Variants in CFAP221 observed in about 807,000 individuals in gnomAD.
The protein encoded by CFAP221 is cilia and flagella associated protein 221, also known as cilia- and flagella-associated protein 221.
In CFAP221, 97 loss-of-function variants were observed where a neutral mutation model predicts 113.1. That is an observed-to-expected ratio of 0.86 (90% CI 0.73 to 1.02). The LOEUF (loss-of-function observed/expected upper bound fraction) is 1.02, where lower values mean the gene tolerates loss of function less well. Among genes scored for constraint, CFAP221 ranks in the 50% least tolerant of loss-of-function variants. CFAP221 has a pLI of 0.00. For synonymous variants in CFAP221, 331 were observed against 354.4 expected, an observed-to-expected ratio of 0.93 and a Z score of 0.74; for missense variants, 1,025 against 1,013.4, an observed-to-expected ratio of 1.01 and a Z score of -0.16.
intron 2 of CFAP221, among the ~76,000 whole-genome samples, 164 bp downstream of exon 2, chr2:119,546,434 CT>C (rs1261897319): frequency 6.6e-6 from 1 of 152,196 alleles, no homozygotes; most frequent in Non-Finnish European, 1.5e-5. Context: ...GATCCATCTG[CT>C]TAACTGATAG....
At chr2:119,561,403 A>G (rs1369366771) in intron 5 of CFAP221, among the ~76,000 whole-genome samples, 2 of 152,226 alleles carry the variant, frequency 1.3e-5, no homozygotes, top group Non-Finnish European at 2.9e-5. Context: ...GCCAGGACAC[A>G]TTTCCTGTTA....
chr2:119,566,492 C>T (rs189374080), intron 6 of CFAP221, among the ~76,000 whole-genome samples: 43 of 152,324 alleles, frequency 2.8e-4, no homozygotes, highest in Non-Finnish European at 5.6e-4. Context: ...TGAGAGCCAT[C>T]GAGCTATCCT....
chr2:119,657,314 A>G (rs902816068), downstream of CFAP221, among the ~76,000 whole-genome samples: 5 of 152,068 alleles, frequency 3.3e-5, no homozygotes, highest in Admixed American at 1.3e-4. Flanking sequence ...GCTCTTACTC[A>G]CTATGTGGCC....
intron 6 of CFAP221, among the ~76,000 whole-genome samples, chr2:119,576,897 A>G (rs970679063): frequency 6.6e-6 from 1 of 152,220 alleles, no homozygotes; most frequent in Admixed American, 6.5e-5. Flanking sequence ...TGTTGATCAC[A>G]TTCTGAATAT....
chr2:119,646,925 C>CT (rs1687846552), intron 21 of CFAP221, 33 bp from the exon 22 acceptor site: 1 of 1,563,530 alleles, frequency 6.4e-7, no homozygotes, highest in Non-Finnish European at 8.8e-7. Flanking sequence ...TAGTGTGACT[C>CT]TATCTTTGAC....
Position 119,629,876 on chromosome 2 carries a change from C to A in CFAP221, c.1652C>A (p.Ala551Asp). The change falls in exon 17 of 24, where the codon GCT becomes GAT. Residue 551 changes from alanine (A) to aspartate (D), a missense_variant and splice_region_variant. Ala to Asp is a moderately radical substitution (Grantham distance 126). Transcript: ENST00000413369. ...CSPPQDSNEL[A>D]PDGLGLVPIK... ...TTTTTTTCTCCTTTCACATTTTAGG[C>A]TCCTGATGGCCTTGGACTGGTCCCA... is the stretch of plus-strand genomic sequence containing the variant. 4 of 1,609,818 alleles carry A rather than the reference C, an allele frequency of 2.5e-6. No homozygotes were observed. The highest frequency in any genetic ancestry group is 2.7e-5 in the African/African-American group (2 of 74,888).
At position 119,559,877 on chromosome 2, in the gene CFAP221, C is replaced by T. The variant is rs1050151392; in HGVS notation, c.328-51C>T. On this transcript the variant is annotated intron_variant, in intron 4 of 23. Transcript: ENST00000413369. Reference sequence around the variant, plus strand: ...TGGTGTGTTGTCACCCCCGGTGCTGCTCTCTGTGCAGTCCGGGGCTTGTCC... The same window carrying T: ...TGGTGTGTTGTCACCCCCGGTGCTGTTCTCTGTGCAGTCCGGGGCTTGTCC... The T allele has an allele frequency of 4.7e-6, 7 of 1,491,574 alleles. No homozygotes were observed. The African/African-American group carries it at 9.7e-5, about 21-fold the overall frequency. The allele number at this position is 1,491,574 out of a possible 1,614,324, so 92.4% of individuals were successfully genotyped here. A position where few individuals can be genotyped will look rare whatever the true frequency, so the allele number is the denominator to read the frequency against.
chr2:119,639,935 T>C, intron 21 of CFAP221, 63 bp downstream of exon 21: 2 of 1,389,270 alleles, frequency 1.4e-6, no homozygotes, highest in Non-Finnish European at 1.0e-6. Context: ...GAGGCAATGA[T>C]CCCCAAAAGT....
intron 12 of CFAP221, among the ~76,000 whole-genome samples, chr2:119,609,021 C>G (rs187306379): frequency 2.6e-5 from 4 of 152,180 alleles, no homozygotes; most frequent in Admixed American, 1.3e-4. Flanking sequence ...AATGATAGTC[C>G]CAAGTCAGAG....
intron 3 of CFAP221, 104 bp downstream of exon 3, chr2:119,549,289 G>T (rs1185892177): frequency 1.3e-5 from 12 of 893,628 alleles, no homozygotes; most frequent in African/African-American, 1.7e-5. Context: ...ATCAGCCGTA[G>T]TGCAAGAGTA....
chr2:119,556,602 G>A (rs547010390), intron 3 of CFAP221, among the ~76,000 whole-genome samples: 1 of 146,112 alleles, frequency 6.8e-6, no homozygotes, highest in Admixed American at 6.9e-5. Context: ...CACCCAGGTT[G>A]GAGTGCAATG....
chr2:119,650,174 C>T (rs1688042953), intron 22 of CFAP221, among the ~76,000 whole-genome samples: 1 of 152,170 alleles, frequency 6.6e-6, no homozygotes, highest in Non-Finnish European at 1.5e-5. Flanking sequence ...CTTTTATAAA[C>T]ACATACTATA....
chr2:119,640,687 G>A (rs181602708), intron 21 of CFAP221, among the ~76,000 whole-genome samples: 23 of 152,288 alleles, frequency 1.5e-4, no homozygotes, highest in Non-Finnish European at 7.4e-5. Context: ...CCCACCCCAA[G>A]GTGGCAGAGC....
At chr2:119,576,875 T>C (rs1682485092) in intron 6 of CFAP221, among the ~76,000 whole-genome samples, 2 of 152,262 alleles carry the variant, frequency 1.3e-5, no homozygotes, top group Admixed American at 1.3e-4. Context: ...GTGTCTTATT[T>C]CCTTCTGTTT....
chr2:119,651,832 T>G (rs1047401808), intron 22 of CFAP221, 142 bp from the exon 23 acceptor site: 42 of 555,818 alleles, frequency 7.6e-5, no homozygotes, highest in Middle Eastern at 6.6e-4. Context: ...TATGCTTCTT[T>G]TAATGTAAAC....
chr2:119,579,738 G>A (rs889310908), intron 6 of CFAP221, among the ~76,000 whole-genome samples: 3 of 152,142 alleles, frequency 2.0e-5, no homozygotes, highest in African/African-American at 7.2e-5. Context: ...CTTTTCTATG[G>A]GACTTATCAG....
chr2:119,592,563 G>T (rs1396883996), intron 7 of CFAP221, among the ~76,000 whole-genome samples: 1 of 152,204 alleles, frequency 6.6e-6, no homozygotes, highest in Non-Finnish European at 1.5e-5. Context: ...TGGAGCCACA[G>T]ATTTCACCTC....
intron 23 of CFAP221, among the ~76,000 whole-genome samples, chr2:119,654,627 C>T (rs1414136380): frequency 3.3e-5 from 5 of 152,206 alleles, no homozygotes; most frequent in South Asian, 2.1e-4. Flanking sequence ...TCATTTTTTA[C>T]GTATTTTTAG....
chr2:119,567,140 C>G (rs1681705376), intron 6 of CFAP221, among the ~76,000 whole-genome samples: 1 of 152,166 alleles, frequency 6.6e-6, no homozygotes, highest in Admixed American at 6.5e-5. Flanking sequence ...TCATTATCAC[C>G]CAAAGTCCAT....
Sources: allele counts gnomAD v4.1 joint callset (sites outside exome capture counted in the v4.1 genomes callset), GRCh38; gene constraint gnomAD v4.1.1; transcripts MANE v1.5; gene names NCBI Gene and HGNC (gene_info 2026-07-23, HGNC 2026-07-21).